ANKHD1: variants seen among roughly 807,000 people sequenced by gnomAD.
ANKHD1 encodes ankyrin repeat and KH domain-containing protein 1.
A neutral mutation model predicts 230.5 loss-of-function variants in ANKHD1; 31 were observed. The observed-to-expected ratio is 0.13, with a 90% CI of 0.10 to 0.18. ANKHD1 has a LOEUF of 0.18. ANKHD1 is among the 10% of genes least tolerant of loss of function. The pLI, the probability that ANKHD1 is intolerant of heterozygous loss-of-function variation, is 1.00. For synonymous variants in ANKHD1, 1,074 were observed against 1,117.6 expected (o/e 0.96, Z 0.78); for missense variants, 2,256 against 3,071.3 (o/e 0.73, Z 6.27).
intron 15 of ANKHD1, chr5:140,497,920 C>CAG (rs1752110195): frequency 7.2e-6 from 1 of 138,658 alleles, no homozygotes; most frequent in South Asian, 2.4e-4. Flanking sequence ...CACACACACA[C>CAG]AGAAAAAAAG....
intron 24 of ANKHD1, among the ~76,000 whole-genome samples, chr5:140,513,806 CAAA>C (rs35403532): frequency 1.2e-4 from 14 of 118,218 alleles, no homozygotes; most frequent in Admixed American, 2.6e-4. Context: ...GAGACTGTCT[CAAA>C]AAAAAAAAAA....
At position 140,485,818 on chromosome 5, in the gene ANKHD1, T is replaced by G. The variant is rs1471477187; in HGVS notation, c.2142+86T>G. ...TGTTTAAAATCAGTTTTAAGCAAAA[T>G]GGACTTGTTTTTATTCTCTGTTACA... On this transcript the variant is annotated intron_variant, in intron 13 of 33. Transcript: ENST00000360839. This position sits in a 1 kb window ranked among gnomAD's most constrained non-coding sequence, Gnocchi z 4.8. 29 of 1,548,072 alleles carry G rather than the reference T, an allele frequency of 1.9e-5. No homozygotes were observed. In the Middle Eastern group the frequency reaches 1.5e-3, roughly 81 times the overall value.
chr5:140,446,213 A>G (rs992245486), intron 6 of ANKHD1, among the ~76,000 whole-genome samples: 1 of 152,092 alleles, frequency 6.6e-6, no homozygotes, highest in Non-Finnish European at 1.5e-5. Flanking sequence ...AGTTAACCCA[A>G]CTACTTAGCT....
At chr5:140,521,669 A>G (rs1420276572) in intron 24 of ANKHD1, among the ~76,000 whole-genome samples, 2 of 151,652 alleles carry the variant, frequency 1.3e-5, no homozygotes, top group African/African-American at 2.4e-5. Context: ...AAACCATACA[A>G]TTTACCCATG....
At chr5:140,446,201 G>C (rs1018899168) in intron 6 of ANKHD1, among the ~76,000 whole-genome samples, 1 of 151,980 alleles carries the variant, frequency 6.6e-6, no homozygotes, top group African/African-American at 2.4e-5. Flanking sequence ...GGTTAACTGT[G>C]AAGTTAACCC....
At chr5:140,509,509 C>A in intron 20 of ANKHD1, 128 bp from the exon 21 acceptor site, 1 of 1,130,758 alleles carries the variant, frequency 8.8e-7, no homozygotes. Context: ...GAGAGCTAAT[C>A]AGAACTAGAA....
At chr5:140,519,534 A>G (rs1180501563) in intron 24 of ANKHD1, among the ~76,000 whole-genome samples, 1 of 152,222 alleles carries the variant, frequency 6.6e-6, no homozygotes, top group African/African-American at 2.4e-5. Flanking sequence ...ACTATACTAC[A>G]AGGCTACAGT....
At chr5:140,407,014 A>C (rs2126837471) in intron 1 of ANKHD1, among the ~76,000 whole-genome samples, 1 of 151,832 alleles carries the variant, frequency 6.6e-6, no homozygotes, top group Non-Finnish European at 1.5e-5. Flanking sequence ...AAACCACTTT[A>C]GGCCTGGTGC....
At chr5:140,432,173 A>C (rs189912601) in intron 1 of ANKHD1, among the ~76,000 whole-genome samples, 7 of 152,340 alleles carry the variant, frequency 4.6e-5, no homozygotes. Flanking sequence ...GTTGTATAGC[A>C]ATCACTACTA....
chr5:140,496,429 G>T, intron 14 of ANKHD1, 91 bp from the exon 15 acceptor site: 1 of 1,344,890 alleles, frequency 7.4e-7, no homozygotes, highest in Non-Finnish European at 9.7e-7. Flanking sequence ...TGTGTGGGAG[G>T]GGAGGCTGGT....
chr5:140,491,135 T>TATACAC (rs1554091209), intron 14 of ANKHD1, among the ~76,000 whole-genome samples: 84 of 75,054 alleles, frequency 1.1e-3, no homozygotes, highest in Middle Eastern at 0.024. Flanking sequence ...TATATATATA[T>TATACAC]ACACATATAT....
At position 140,459,378 on chromosome 5, in the gene ANKHD1, A is replaced by G. The variant is rs536643963; in HGVS notation, c.1672+23A>G. The G allele has an allele frequency of 3.9e-6, 6 of 1,522,798 alleles. No homozygotes were observed. The East Asian group carries it at 7.0e-5, about 18-fold the overall frequency. 94.3% of individuals were successfully genotyped at this position (1,522,798 alleles called of 1,614,324 possible). A position where few individuals can be genotyped will look rare whatever the true frequency, so the allele number is the denominator to read the frequency against. On this transcript the variant is annotated intron_variant, in intron 9 of 33. Coordinates refer to ENST00000360839, the MANE Select transcript of ANKHD1 (RefSeq NM_017747.3). ...CTGGTATGTGGCTTTAAGATGCCTT[A>G]TTGCTCAGAAAGACAAATACAAATA...
chr5:140,475,979 T>C (rs982274565), intron 10 of ANKHD1, among the ~76,000 whole-genome samples: 1 of 152,194 alleles, frequency 6.6e-6, no homozygotes, highest in African/African-American at 2.4e-5. Flanking sequence ...TATGAACATG[T>C]TTATTTTAAA....
Position 140,529,694 on chromosome 5 carries a change from C to T in ANKHD1, c.6748C>T (p.Leu2250=). The change falls in exon 29 of 34, where the codon CTG becomes TTG. Residue 2250 remains leucine (L), a synonymous_variant. Transcript: ENST00000360839. ...DASFTVQSAF[L]GNSVLGHLEN... Reference sequence around the variant, plus strand: ...CTCTTTCACTGTTCAGTCAGCGTTCCTGGGTAACTCAGTGCTTGGACACTT... The same window carrying T: ...CTCTTTCACTGTTCAGTCAGCGTTCTTGGGTAACTCAGTGCTTGGACACTT... The T allele has an allele frequency of 1.2e-6, 2 of 1,614,176 alleles. No homozygotes were observed. Among genetic ancestry groups the T allele is most frequent in the South Asian group, 2.2e-5 (2 of 91,080 alleles).
chr5:140,510,309 C>CA, intron 22 of ANKHD1, 128 bp downstream of exon 22: 1 of 539,194 alleles, frequency 1.9e-6, no homozygotes, highest in Non-Finnish European at 2.5e-6. Context: ...TCTTTCCATT[C>CA]TTTTTTTTTT....
In ANKHD1 at chr5:140,445,894, G is replaced by A. The variant is rs1056553399; in HGVS notation, c.1066G>A (p.Val356Ile). 92 of 1,613,530 alleles carry A rather than the reference G, an allele frequency of 5.7e-5. No homozygotes were observed. The highest frequency in any genetic ancestry group is 7.7e-5 in the Non-Finnish European group (91 of 1,179,718). Residue 356 changes from valine to isoleucine, a missense_variant, in exon 6 of 34, where the codon GTT becomes ATT. Val to Ile is a conservative substitution (Grantham distance 29). Transcript: ENST00000360839. ...ASAGHVEVARVLLDHGAGINT... is the reference protein window; with the variant it reads ...ASAGHVEVARILLDHGAGINT... ...TGCAGGTCATGTGGAAGTTGCAAGAGTTCTTTTAGATCATGGTGCAGGCAT... is the reference window on the plus strand; with the variant it reads ...TGCAGGTCATGTGGAAGTTGCAAGAATTCTTTTAGATCATGGTGCAGGCAT...
intron 3 of ANKHD1, among the ~76,000 whole-genome samples, chr5:140,439,426 T>G (rs563446249): frequency 1.3e-5 from 2 of 152,254 alleles, no homozygotes; most frequent in East Asian, 3.9e-4. Context: ...ACCAAGCACT[T>G]TGGGAGGCCA....
At chr5:140,526,787 G>A (rs1252361629) in intron 26 of ANKHD1, 141 bp from the exon 27 acceptor site, 6 of 1,239,574 alleles carry the variant, frequency 4.8e-6, no homozygotes, top group Non-Finnish European at 6.4e-6. Flanking sequence ...CTCTATTTCT[G>A]TTTTTCTGAC....
At position 140,402,089 on chromosome 5, in the gene ANKHD1, T is replaced by A. The variant is rs1290206609; in HGVS notation, c.122T>A (p.Ile41Asn). Residue 41 changes from isoleucine (I) to asparagine (N), a missense_variant, in exon 1 of 34, where the codon ATC becomes AAC. Physicochemically the swap from Ile to Asn is moderately radical, Grantham distance 149. This residue lies in a region of ANKHD1 where 193 missense variants were observed against 185.8 expected (regional missense o/e 1.04). Coordinates refer to ENST00000360839, the MANE Select transcript of ANKHD1 (RefSeq NM_017747.3). ...CCGCCGGGAGGGGTCGGTCTGGGGA[T>A]CCGCACCGTGAGGCTCTTTGGGGAG... is the stretch of plus-strand genomic sequence containing the variant. Reference protein sequence around the residue: ...PPPPGGVGLGIRTVRLFGEAG... With the variant: ...PPPPGGVGLGNRTVRLFGEAG... 1.6e-5 allele frequency: 25 copies of A among 1,517,018 alleles called. No individual in the cohort carries two copies. Among genetic ancestry groups the A allele is most frequent in the Non-Finnish European group, 2.2e-5 (25 of 1,138,178 alleles). The allele number at this position is 1,517,018 out of a possible 1,614,324, so 94.0% of individuals were successfully genotyped here.
Sources: allele counts gnomAD v4.1 joint callset (sites outside exome capture counted in the v4.1 genomes callset), GRCh38; gene constraint gnomAD v4.1.1; regional missense constraint gnomAD v4.1.1; non-coding constraint Gnocchi (gnomAD v3.1); transcripts MANE v1.5; gene names NCBI Gene and HGNC (gene_info 2026-07-23, HGNC 2026-07-21).